The following DNAH3 variants were observed in gnomAD, a reference collection of about 807,000 sequenced individuals.
DNAH3 encodes dynein axonemal heavy chain 3, also known as axonemal beta dynein heavy chain 3.
A neutral mutation model predicts 432.5 loss-of-function variants in DNAH3; 332 were observed. That is an observed-to-expected ratio of 0.77 (90% CI 0.70 to 0.84). The LOEUF (loss-of-function observed/expected upper bound fraction) is 0.84, where lower values mean the gene tolerates loss of function less well. DNAH3 is among the 40% of genes least tolerant of loss of function. DNAH3 has a pLI of 0.00. For synonymous variants in DNAH3, 1,956 were observed against 1,900.2 expected, an observed-to-expected ratio of 1.03 and a Z score of -0.76; for missense variants, 4,861 against 5,114.0, an observed-to-expected ratio of 0.95 and a Z score of 1.51.
At chr16:21,152,499 C>G (rs1183889721) in intron 1 of DNAH3, among the ~76,000 whole-genome samples, 3 of 152,264 alleles carry the variant, frequency 2.0e-5, no homozygotes, top group Non-Finnish European at 4.4e-5. Flanking sequence ...TTTGGCGGCA[C>G]TTGAGGAGCC....
At position 20,948,704 on chromosome 16, in the gene DNAH3, T is replaced by C. The variant is rs2084171161; in HGVS notation, c.11189-67A>G. ...GTCATCACGAGCTTGGTGGTTGATG[T>C]AAAACACGGCATTCTTCCGGCCAAA... On this transcript the variant is annotated intron_variant, in intron 56 of 61. Transcript: ENST00000261383. 3.2e-6 allele frequency: 5 copies of C among 1,544,964 alleles called. No homozygotes were observed. The East Asian group carries it at 1.1e-4, about 35-fold the overall frequency.
At chr16:21,070,946 T>A in intron 21 of DNAH3, 120 bp from the exon 22 acceptor site, 1 of 646,612 alleles carries the variant, frequency 1.5e-6, no homozygotes, top group South Asian at 1.8e-5. Flanking sequence ...GTGCAATGGC[T>A]CAATCCTAGC....
chr16:20,969,923 G>C lies in DNAH3; in HGVS notation c.8327C>G (p.Thr2776Ser), dbSNP rs753590231. 3 of 1,614,070 alleles carry C rather than the reference G, an allele frequency of 1.9e-6. No individual in the cohort carries two copies. The African/African-American group carries it at 4.0e-5, about 22-fold the overall frequency. ...CAGCGAGATGTCGGCCGGGTTCAGG[G>C]TGTCCAGAGCAGCTAGTGCAGCCTC... is the stretch of plus-strand genomic sequence containing the variant. Residue 2776 changes from threonine to serine, a missense_variant, in exon 52 of 62, where the codon ACC (threonine) becomes AGC (serine). Thr to Ser is a moderately conservative substitution (Grantham distance 58). Transcript: ENST00000261383.
intron 18 of DNAH3, among the ~76,000 whole-genome samples, chr16:21,088,456 G>T (rs1201822340): frequency 6.6e-6 from 1 of 152,212 alleles, no homozygotes; most frequent in African/African-American, 2.4e-5. Flanking sequence ...AGGAGTAGTA[G>T]TAGCATTTCT....
chr16:21,140,015 C>T (rs1462524486), intron 5 of DNAH3, among the ~76,000 whole-genome samples: 2 of 148,204 alleles, frequency 1.3e-5, no homozygotes, highest in Non-Finnish European at 3.0e-5. Context: ...GAACTCCTGA[C>T]CTCAAGTGAT....
chr16:21,136,363 T>C, exon 6 of DNAH3: 1 of 1,613,920 alleles, frequency 6.2e-7, no homozygotes, highest in South Asian at 1.1e-5. Context: ...TCATTCTCCT[T>C]CTCCTGCACG....
intron 40 of DNAH3, 103 bp from the exon 41 acceptor site, chr16:21,019,972 G>T: frequency 7.3e-7 from 1 of 1,366,688 alleles, no homozygotes; most frequent in Non-Finnish European, 1.0e-6. Context: ...GGCCAGAAGG[G>T]CGACTGATAT....
At chr16:21,078,093 T>C (rs1442646494) in intron 20 of DNAH3, among the ~76,000 whole-genome samples, 5 of 151,886 alleles carry the variant, frequency 3.3e-5, no homozygotes, top group African/African-American at 1.2e-4. Context: ...CTGACCAACA[T>C]GGTGAAACCC....
rs34315223 is a variant in DNAH3 at position 21,060,828 on chromosome 16, CTTTTTTT to C, written c.3721-479_3721-473del. Among the ~76,000 whole-genome samples, 4 of 118,266 alleles carry C rather than the reference CTTTTTTT, an allele frequency of 3.4e-5. No homozygotes were observed. In the Admixed American group the frequency reaches 3.7e-4, roughly 11 times the overall value. 77.6% of individuals were successfully genotyped at this position (118,266 alleles called of 152,430 possible). A position where few individuals can be genotyped will look rare whatever the true frequency, so the allele number is the denominator to read the frequency against. On this transcript the variant is annotated intron_variant, in intron 25 of 61. Coordinates refer to ENST00000261383, the Ensembl canonical transcript of DNAH3. ...TGTGAACCACTGCGCCTGGTCTCTT[CTTTTTTT>C]TTTTTTTTTTTTTATAGAGAGAGAC...
intron 8 of DNAH3, among the ~76,000 whole-genome samples, chr16:21,126,294 C>A (rs1330279361): frequency 6.6e-6 from 1 of 152,190 alleles, no homozygotes; most frequent in East Asian, 1.9e-4. Flanking sequence ...CATCTTTTCT[C>A]TGATCGCTAA....
chr16:21,074,862 G>A (rs2090919486), intron 21 of DNAH3, among the ~76,000 whole-genome samples: 1 of 152,182 alleles, frequency 6.6e-6, no homozygotes. Flanking sequence ...CGACAGCTGA[G>A]CAAATGCTTT....
At chr16:21,078,418 G>A (rs556400620) in intron 20 of DNAH3, among the ~76,000 whole-genome samples, 97 of 152,250 alleles carry the variant, frequency 6.4e-4, no homozygotes, top group African/African-American at 2.3e-3. Context: ...TACAAACAAG[G>A]ACTGATCAGG....
At chr16:20,966,570 T>C (rs2085072897) in intron 52 of DNAH3, among the ~76,000 whole-genome samples, 1 of 152,226 alleles carries the variant, frequency 6.6e-6, no homozygotes, top group African/African-American at 2.4e-5. Flanking sequence ...ATCTACCATC[T>C]ACCTTTCCCT....
intron 16 of DNAH3, among the ~76,000 whole-genome samples, chr16:21,103,452 C>G (rs926143858): frequency 2.6e-5 from 4 of 151,964 alleles, no homozygotes; most frequent in Non-Finnish European, 5.9e-5. Context: ...AAAACATAGT[C>G]TATTAATTTA....
At chr16:20,965,405 A>C (rs769541460) in exon 53 of DNAH3, 1 of 1,525,562 alleles carries the variant, frequency 6.6e-7, no homozygotes, top group Non-Finnish European at 8.8e-7. Flanking sequence ...GATACCCCCC[A>C]GTAATCTTCT....
intron 1 of DNAH3, among the ~76,000 whole-genome samples, chr16:21,148,548 A>G (rs1011999498): frequency 7.9e-5 from 12 of 151,818 alleles, no homozygotes; most frequent in African/African-American, 2.9e-4. Context: ...GGTTCGAGCG[A>G]TTCTCCTGCC....
chr16:20,999,305 CCT>C (rs2086906139), intron 43 of DNAH3, among the ~76,000 whole-genome samples: 1 of 151,680 alleles, frequency 6.6e-6, no homozygotes, highest in South Asian at 2.1e-4. Flanking sequence ...CAAAGCTTAC[CCT>C]GTTTTTGAAT....
At position 20,985,039 on chromosome 16, in the gene DNAH3, T is replaced by C. The variant is rs772679413; in HGVS notation, c.7665+38A>G. ...AAGAACAAGGGCAAATGGAGTTTTC[T>C]TCTTCTTACCGAGGACAATGTGAAG... On this transcript the variant is annotated intron_variant, in intron 48 of 61. Transcript: ENST00000261383. 1.6e-5 allele frequency: 26 copies of C among 1,579,716 alleles called. No individual in the cohort carries two copies. The South Asian group carries it at 2.7e-4, about 16-fold the overall frequency.
intron 21 of DNAH3, 150 bp downstream of exon 21, chr16:21,075,297 C>T: frequency 1.5e-6 from 1 of 647,536 alleles, no homozygotes; most frequent in Non-Finnish European, 2.8e-6. Context: ...AGGTGACTGA[C>T]ACAGAAAGGC....
Sources: gnomAD v4.1 joint callset for allele counts (sites outside exome capture counted in the v4.1 genomes callset) on GRCh38, gnomAD v4.1.1 for gene constraint, MANE v1.5 for transcripts, NCBI Gene and HGNC (gene_info 2026-07-23, HGNC 2026-07-21) for gene names.